Variants in ERAP1 observed in about 807,000 individuals in gnomAD.
The protein encoded by ERAP1 is adipocyte-derived leucine aminopeptidase.
ERAP1 carries 86 observed loss-of-function variants against 103.7 expected under a neutral mutation model. The observed-to-expected ratio is 0.83, with a 90% CI of 0.70 to 0.99. ERAP1 has a LOEUF of 0.99. ERAP1 is among the 50% of genes least tolerant of loss of function. The pLI is 0.00. For missense variants in ERAP1, 1,009 were observed against 1,128.4 expected, an observed-to-expected ratio of 0.89 and a Z score of 1.52; for synonymous variants, 398 against 402.4, an observed-to-expected ratio of 0.99 and a Z score of 0.13.
At chr5:96,779,583 C>T (rs754169307) in intron 18 of ERAP1, 7 of 151,526 alleles carry the variant, frequency 4.6e-5, no homozygotes, top group Non-Finnish European at 8.9e-5. Context: ...AATGGAACCA[C>T]TCCTAAAAAA....
At chr5:96,913,380 T>C in the ERAP1 span, 183 of 1,614,128 alleles carry the variant, frequency 1.1e-4, no homozygotes, top group African/African-American at 2.0e-3. Context: ...CTCTCCTTCA[T>C]GCGATTGCCA....
intron 19 of ERAP1, chr5:96,768,244 C>T (rs1770769689): frequency 4.2e-6 from 2 of 478,858 alleles, no homozygotes; most frequent in South Asian, 4.2e-5. Flanking sequence ...CCACCACACC[C>T]AGCTAATTTT....
At chr5:96,769,191 C>T (rs181906751) in intron 19 of ERAP1, 2 of 152,330 alleles carry the variant, frequency 1.3e-5, no homozygotes, top group South Asian at 2.1e-4. Context: ...GCACTGCTCT[C>T]GATCACTGAA....
chr5:96,912,770 A>T, the ERAP1 span: 3 of 1,602,068 alleles, frequency 1.9e-6, no homozygotes, highest in Non-Finnish European at 2.5e-6. Context: ...TGCTTTGTCA[A>T]CGAGCAAGCA....
rs1269158776 is a variant in ERAP1, at chr5:96,803,537, T to C, written c.390A>G (p.Gln130=). The change falls in exon 2 of 19, where the codon CAA becomes CAG. Residue 130 remains glutamine, a synonymous_variant. Coordinates refer to ENST00000443439, the MANE Select transcript of ERAP1 (RefSeq NM_001040458.3). ...LQVLEHPRQE[Q]IALLAPEPLL... is the part of the protein sequence containing the mutation. Reference sequence around the variant, plus strand: ...GGGGCTCGGGAGCCAGCAGTGCAATTTGCTCCTGACGGGGGTGTTCCAGGA... The same window carrying C: ...GGGGCTCGGGAGCCAGCAGTGCAATCTGCTCCTGACGGGGGTGTTCCAGGA... 6.2e-7 allele frequency: 1 copy of C among 1,613,626 alleles called. No individual in the cohort carries two copies. The highest frequency in any genetic ancestry group is 8.5e-7 in the Non-Finnish European group (1 of 1,179,584).
chr5:96,892,522 TC>T, the ERAP1 span: 3 of 1,564,920 alleles, frequency 1.9e-6, no homozygotes, highest in African/African-American at 4.1e-5. Flanking sequence ...CGACCAATCT[TC>T]CTGAAACAAA....
chr5:96,899,889 T>G, the ERAP1 span, among the ~76,000 whole-genome samples: 6,166 of 152,338 alleles, frequency 0.04, 211 homozygotes, highest in Middle Eastern at 0.12. Context: ...TTATTGAACT[T>G]TTTAAGGAAA....
At chr5:96,822,836 A>T in the ERAP1 span, 7 of 283,992 alleles carry the variant, frequency 2.5e-5, no homozygotes, top group Non-Finnish European at 4.2e-5. Context: ...TTATTATCTC[A>T]CAGTTTCTGA....
the ERAP1 span, chr5:96,875,843 A>G: frequency 2.0e-5 from 3 of 152,314 alleles, no homozygotes; most frequent in Admixed American, 1.3e-4. Flanking sequence ...TAAATGCTAA[A>G]TCTGGGTACT....
chr5:96,809,061 C>T (rs952472747), upstream of ERAP1, among the ~76,000 whole-genome samples: 13 of 152,178 alleles, frequency 8.5e-5, no homozygotes, highest in African/African-American at 3.1e-4. Context: ...CCTTTTTAGA[C>T]CATATAGGGT....
the ERAP1 span, among the ~76,000 whole-genome samples, chr5:96,838,994 G>C: frequency 1.3e-5 from 2 of 152,196 alleles, no homozygotes; most frequent in Non-Finnish European, 2.9e-5. Context: ...TACAACTCCA[G>C]GAGTTCCCAC....
the ERAP1 span, among the ~76,000 whole-genome samples, chr5:96,899,612 T>C: frequency 2.0e-5 from 3 of 152,332 alleles, no homozygotes; most frequent in African/African-American, 7.2e-5. Context: ...TATTCCCAGT[T>C]AGTTCGAAAT....
the ERAP1 span, among the ~76,000 whole-genome samples, chr5:96,860,569 T>C: frequency 0.048 from 7,276 of 152,216 alleles, 218 homozygotes; most frequent in South Asian, 0.11. Flanking sequence ...TACTAAAATA[T>C]AGCACTGAAT....
In ERAP1 at chr5:96,792,047, C is replaced by G. The variant is rs762218759; in HGVS notation, c.1320+14G>C. ...AGTATCTAAACTGTATCCTTATACTCAATCTACTTTTACCTTATCATAAGA... is the reference window on the plus strand; with the variant it reads ...AGTATCTAAACTGTATCCTTATACTGAATCTACTTTTACCTTATCATAAGA... On this transcript the variant is annotated intron_variant, in intron 8 of 18. Transcript: ENST00000443439. 2 of 1,613,690 alleles carry G rather than the reference C, an allele frequency of 1.2e-6. No homozygotes were observed. The highest frequency in any genetic ancestry group is 8.5e-7 in the Non-Finnish European group (1 of 1,179,668).
the ERAP1 span, among the ~76,000 whole-genome samples, chr5:96,813,209 G>C: frequency 6.6e-6 from 1 of 152,160 alleles, no homozygotes; most frequent in African/African-American, 2.4e-5. Flanking sequence ...CAAATGAAGT[G>C]TTTAGAGGCC....
chr5:96,788,203 T>G (rs1173699049), intron 11 of ERAP1, among the ~76,000 whole-genome samples: 1 of 152,188 alleles, frequency 6.6e-6, no homozygotes, highest in Non-Finnish European at 1.5e-5. Flanking sequence ...AACCAAATGC[T>G]AGGCACTATT....
chr5:96,776,944 G>A (rs1774413454), intron 18 of ERAP1: 1 of 193,628 alleles, frequency 5.2e-6, no homozygotes, highest in Non-Finnish European at 1.1e-5. Context: ...AAGCAAAACA[G>A]TTTCCACCAC....
At chr5:96,902,175 G>A in the ERAP1 span, 1,695 of 746,008 alleles carry the variant, frequency 2.3e-3, 17 homozygotes, top group African/African-American at 0.026. Context: ...GAAGGATGAT[G>A]GGTACTTAGG....
At chr5:96,924,727 A>G in the ERAP1 span, among the ~76,000 whole-genome samples, 1 of 151,966 alleles carries the variant, frequency 6.6e-6, no homozygotes, top group Non-Finnish European at 1.5e-5. Context: ...CCTCACGAGT[A>G]GCCGGGACTA....
Sources: gnomAD v4.1 joint callset for allele counts (sites outside exome capture counted in the v4.1 genomes callset) on GRCh38, gnomAD v4.1.1 for gene constraint, MANE v1.5 for transcripts, NCBI Gene and HGNC (gene_info 2026-07-23, HGNC 2026-07-21) for gene names.